The following SLC25A21 variants were observed in gnomAD, a reference collection of about 807,000 sequenced individuals.
SLC25A21 encodes solute carrier family 25 member 21.
In SLC25A21, 47 loss-of-function variants were observed where a neutral mutation model predicts 43.8. That is an observed-to-expected ratio of 1.07 (90% confidence interval 0.85 to 1.37). SLC25A21 has a LOEUF of 1.37. Among genes scored for constraint, SLC25A21 ranks in the 40% most tolerant of loss-of-function variants. SLC25A21 has a pLI of 0.00. For synonymous variants in SLC25A21, 131 were observed against 121.3 expected, an observed-to-expected ratio of 1.08 and a Z score of -0.52; for missense variants, 352 against 350.2, an observed-to-expected ratio of 1.00 and a Z score of -0.04.
At chr14:36,785,701 C>T (rs1887225032) in intron 3 of SLC25A21, among the ~76,000 whole-genome samples, 1 of 152,150 alleles carries the variant, frequency 6.6e-6, no homozygotes, top group Non-Finnish European at 1.5e-5. Flanking sequence ...CATATTAAAG[C>T]ATTCTTTTGA....
intron 2 of SLC25A21, among the ~76,000 whole-genome samples, chr14:36,817,475 G>A (rs1391269732): frequency 1.3e-5 from 2 of 152,126 alleles, no homozygotes; most frequent in East Asian, 1.9e-4. Context: ...CACCACAGCC[G>A]CCTACCCCGT....
chr14:36,881,849 C>T (rs189063552), intron 1 of SLC25A21, among the ~76,000 whole-genome samples: 5 of 152,198 alleles, frequency 3.3e-5, no homozygotes, highest in African/African-American at 1.2e-4. Flanking sequence ...GAAGACAAGC[C>T]GGGTGACCCA....
chr14:37,021,938 T>C (rs866229660), intron 1 of SLC25A21, among the ~76,000 whole-genome samples: 7 of 151,868 alleles, frequency 4.6e-5, no homozygotes, highest in African/African-American at 7.2e-5. Context: ...AATGCCTCCT[T>C]GGAGATAAGA....
chr14:36,691,572 T>G (rs1419416550), intron 7 of SLC25A21, among the ~76,000 whole-genome samples: 1 of 152,180 alleles, frequency 6.6e-6, no homozygotes, highest in Non-Finnish European at 1.5e-5. Flanking sequence ...TAACTACTCT[T>G]GATGTAATTC....
intron 1 of SLC25A21, among the ~76,000 whole-genome samples, chr14:37,140,619 T>C (rs1434712398): frequency 3.9e-5 from 6 of 152,200 alleles, no homozygotes; most frequent in Admixed American, 3.9e-4. Flanking sequence ...TCATCAACAA[T>C]GTATCTAGGT....
chr14:36,705,729 TTTAAA>T (rs1883522063), intron 7 of SLC25A21, among the ~76,000 whole-genome samples: 1 of 152,186 alleles, frequency 6.6e-6, no homozygotes, highest in East Asian at 1.9e-4. Context: ...ATAGATTTTT[TTTAAA>T]TTAAAGAAAA....
chr14:36,711,825 T>C (rs1883887806), intron 6 of SLC25A21, among the ~76,000 whole-genome samples: 2 of 152,232 alleles, frequency 1.3e-5, no homozygotes, highest in Admixed American at 1.3e-4. Flanking sequence ...ATTAACCATA[T>C]AGATATTTGG....
Position 36,911,207 on chromosome 14 carries a change from G to A in SLC25A21, c.71-36203C>T, listed in dbSNP as rs529390825. ...TACTGAAACTGGCTTACTTTATTACGTGCTTTCATGAATCAGAAACTGTTA... is the reference window on the plus strand; with the variant it reads ...TACTGAAACTGGCTTACTTTATTACATGCTTTCATGAATCAGAAACTGTTA... On this transcript the variant is annotated intron_variant, in intron 1 of 9. Coordinates refer to ENST00000331299, the MANE Select transcript of SLC25A21 (RefSeq NM_030631.4). Among the ~76,000 whole-genome samples, 93 of 152,136 alleles carry A rather than the reference G, an allele frequency of 6.1e-4. No individual in the cohort carries two copies. In the South Asian group the frequency reaches 0.018, roughly 30 times the overall value.
At chr14:37,040,367 G>GAA in intron 1 of SLC25A21, among the ~76,000 whole-genome samples, 3 of 38,350 alleles carry the variant, frequency 7.8e-5, no homozygotes, top group South Asian at 8.5e-4. Context: ...GAAAGAGAGA[G>GAA]AGAGAGAGAA....
At chr14:36,958,583 G>A (rs771215840) in intron 1 of SLC25A21, among the ~76,000 whole-genome samples, 3 of 152,094 alleles carry the variant, frequency 2.0e-5, no homozygotes, top group Non-Finnish European at 2.9e-5. Flanking sequence ...GTCCCCAGGT[G>A]TTGAGGCCTT....
At chr14:36,985,275 A>G (rs1960121279) in intron 1 of SLC25A21, among the ~76,000 whole-genome samples, 1 of 149,066 alleles carries the variant, frequency 6.7e-6, no homozygotes, top group African/African-American at 2.6e-5. Flanking sequence ...ATGTATATAT[A>G]TGTAACTAAC....
intron 3 of SLC25A21, among the ~76,000 whole-genome samples, chr14:36,795,271 T>C (rs1269676389): frequency 1.3e-5 from 2 of 152,174 alleles, no homozygotes; most frequent in Non-Finnish European, 2.9e-5. Context: ...TTAGGGATCA[T>C]AAGTAAAGTA....
intron 3 of SLC25A21, among the ~76,000 whole-genome samples, chr14:36,757,525 A>C (rs1001099866): frequency 2.6e-5 from 4 of 152,344 alleles, no homozygotes; most frequent in Middle Eastern, 3.4e-3. Flanking sequence ...CATAAGAGGA[A>C]TCATACTAAA....
chr14:37,162,463 A>C (rs1174502007), intron 1 of SLC25A21, among the ~76,000 whole-genome samples: 1 of 60,952 alleles, frequency 1.6e-5, no homozygotes, highest in Non-Finnish European at 3.9e-5. Flanking sequence ...AAACAACCCC[A>C]TCAAAAAGTG....
At chr14:36,765,408 T>C (rs1314356398) in intron 3 of SLC25A21, among the ~76,000 whole-genome samples, 1 of 152,134 alleles carries the variant, frequency 6.6e-6, no homozygotes, top group African/African-American at 2.4e-5. Flanking sequence ...CTCAAAAGGG[T>C]AAACAAAATA....
chr14:36,704,700 A>AAAAAC (rs1357742942), intron 7 of SLC25A21, among the ~76,000 whole-genome samples: 1 of 152,080 alleles, frequency 6.6e-6, no homozygotes, highest in Non-Finnish European at 1.5e-5. Flanking sequence ...AACAAACAAA[A>AAAAAC]AAAACAAGGT....
Position 36,883,189 on chromosome 14 carries a change from C to T in SLC25A21, c.71-8185G>A, listed in dbSNP as rs573577393. Among the ~76,000 whole-genome samples, 131 of 152,222 alleles carry T rather than the reference C, an allele frequency of 8.6e-4. 1 individual carries two copies. The South Asian group carries it at 0.026, about 30-fold the overall frequency. ...ATTCAGACGAAAGCTACCTGTAACC[C>T]CAGCTTCATTACTCCTCTCACCTGC... On this transcript the variant is annotated intron_variant, in intron 1 of 9. Coordinates refer to ENST00000331299, the MANE Select transcript of SLC25A21 (RefSeq NM_030631.4).
intron 1 of SLC25A21, among the ~76,000 whole-genome samples, chr14:37,115,198 G>A (rs187795802): frequency 6.6e-6 from 1 of 152,156 alleles, no homozygotes; most frequent in Non-Finnish European, 1.5e-5. Context: ...GCTAAGAAAG[G>A]TGGCTCTTTA....
At chr14:36,889,694 T>C (rs1891024898) in intron 1 of SLC25A21, among the ~76,000 whole-genome samples, 1 of 152,078 alleles carries the variant, frequency 6.6e-6, no homozygotes, top group South Asian at 2.1e-4. Context: ...GGTCTCCACA[T>C]GTTGTCCAGG....
Sources: gnomAD v4.1 joint callset for allele counts (sites outside exome capture counted in the v4.1 genomes callset) on GRCh38, gnomAD v4.1.1 for gene constraint, MANE v1.5 for transcripts, NCBI Gene and HGNC (gene_info 2026-07-23, HGNC 2026-07-21) for gene names.